The following TRIB2 variants were observed in gnomAD, a reference collection of about 807,000 sequenced individuals.
TRIB2 encodes tribbles pseudokinase 2, also known as tribbles homolog 2.
A neutral mutation model predicts 26.8 loss-of-function variants in TRIB2; 2 were observed. That is an observed-to-expected ratio of 0.07 (90% CI 0.03 to 0.24). The LOEUF is 0.24. TRIB2 is among the 10% of genes least tolerant of loss of function. The probability of loss-of-function intolerance (pLI) is 1.00; values close to 1 mark genes in which losing one functional copy is unlikely to be tolerated. For missense variants in TRIB2, 306 were observed against 449.0 expected, an observed-to-expected ratio of 0.68 and a Z score of 2.88; for synonymous variants, 189 against 187.3, an observed-to-expected ratio of 1.01 and a Z score of -0.08.
At chr2:12,727,653 C>T (rs1009633372) in intron 2 of TRIB2, among the ~76,000 whole-genome samples, 2 of 152,060 alleles carry the variant, frequency 1.3e-5, no homozygotes, top group Non-Finnish European at 2.9e-5. Context: ...GCTTCTCCTT[C>T]GTTCCCAGGG....
intron 2 of TRIB2, among the ~76,000 whole-genome samples, chr2:12,730,948 G>A (rs1306889403): frequency 2.0e-5 from 3 of 152,132 alleles, no homozygotes; most frequent in South Asian, 2.1e-4. Context: ...CCTAGATGCC[G>A]TGAACTCCAG....
chr2:12,727,080 CAG>C (rs1264890974), intron 2 of TRIB2, among the ~76,000 whole-genome samples: 1 of 152,202 alleles, frequency 6.6e-6, no homozygotes, highest in African/African-American at 2.4e-5. Context: ...GGCAGCAGCT[CAG>C]AGTCTTCTGT....
At chr2:12,737,131 C>G (rs1287099541) in intron 2 of TRIB2, among the ~76,000 whole-genome samples, 2 of 152,186 alleles carry the variant, frequency 1.3e-5, no homozygotes, top group Admixed American at 6.5e-5. Flanking sequence ...TGACCAAGCC[C>G]TAGGCCTCCA....
Position 12,718,133 on chromosome 2 carries a change from C to T in TRIB2, c.-175C>T. The T allele has an allele frequency of 3.4e-6, 3 of 886,278 alleles. No homozygotes were observed. The highest frequency in any genetic ancestry group is 5.0e-6 in the Non-Finnish European group (3 of 603,410). 54.9% of individuals were successfully genotyped at this position (886,278 alleles called of 1,614,324 possible). ...GCCGGGCTCGGAGCAGACGAGGTATCCGGCGGCGCCCATTTGGGGGCTTCT... is the reference window on the plus strand; with the variant it reads ...GCCGGGCTCGGAGCAGACGAGGTATTCGGCGGCGCCCATTTGGGGGCTTCT... On this transcript the variant is annotated 5_prime_UTR_variant, in exon 1 of 3. Transcript: ENST00000155926. The surrounding 1 kb of genome is among the most constrained non-coding windows in gnomAD (Gnocchi z 4.0).
At chr2:12,736,231 A>G (rs1007345713) in intron 2 of TRIB2, among the ~76,000 whole-genome samples, 11 of 152,152 alleles carry the variant, frequency 7.2e-5, no homozygotes, top group African/African-American at 2.7e-4. Flanking sequence ...CAGTCGGGGA[A>G]GCACAATCCG....
chr2:12,732,199 T>C lies in TRIB2; in HGVS notation c.564-8127T>C, dbSNP rs1267755634. ...GACTCCCCTGTTCATCCAGGCACCA[T>C]GGATGGGAGTCGGGCAGGAATGTGC... On this transcript the variant is annotated intron_variant, in intron 2 of 2. Coordinates refer to ENST00000155926, the MANE Select transcript of TRIB2 (RefSeq NM_021643.4). The surrounding 1 kb of genome is among the most constrained non-coding windows in gnomAD (Gnocchi z 4.2). Among the ~76,000 whole-genome samples, 1 of 152,028 alleles carries C rather than the reference T, an allele frequency of 6.6e-6. No homozygotes were observed. Among genetic ancestry groups the C allele is most frequent in the African/African-American group, 2.4e-5 (1 of 41,358 alleles).
chr2:12,726,643 G>A (rs978253485), intron 2 of TRIB2, among the ~76,000 whole-genome samples: 4 of 152,226 alleles, frequency 2.6e-5, no homozygotes, highest in Non-Finnish European at 4.4e-5. Context: ...GTTAATGTCT[G>A]TTTTCTCACC....
intron 2 of TRIB2, among the ~76,000 whole-genome samples, chr2:12,729,897 A>G (rs1661417651): frequency 6.6e-6 from 1 of 152,162 alleles, no homozygotes; most frequent in Non-Finnish European, 1.5e-5. Context: ...ATATATTAAT[A>G]TGTTAAGTGC....
chr2:12,729,530 G>A (rs1661410259), intron 2 of TRIB2, among the ~76,000 whole-genome samples: 1 of 152,150 alleles, frequency 6.6e-6, no homozygotes, highest in Non-Finnish European at 1.5e-5. Context: ...CATCAAGTGA[G>A]AAATTTACCC....
chr2:12,727,222 G>A (rs867402658), intron 2 of TRIB2, among the ~76,000 whole-genome samples: 8 of 152,106 alleles, frequency 5.3e-5, no homozygotes, highest in African/African-American at 1.9e-4. Context: ...CATTCCTGTC[G>A]GGCAGTTGTG....
intron 2 of TRIB2, among the ~76,000 whole-genome samples, chr2:12,726,787 T>C (rs1217672944): frequency 6.6e-6 from 1 of 152,240 alleles, no homozygotes; most frequent in Non-Finnish European, 1.5e-5. Flanking sequence ...TGAACTCTGG[T>C]GATCTGGAAA....
At chr2:12,724,882 T>C in intron 2 of TRIB2, 4 of 1,571,034 alleles carry the variant, frequency 2.5e-6, no homozygotes, top group Non-Finnish European at 3.5e-6. Flanking sequence ...ACAAAGGTAT[T>C]CTCTCTACCC....
At chr2:12,721,597 G>C (rs1349177642) in intron 1 of TRIB2, among the ~76,000 whole-genome samples, 1 of 152,154 alleles carries the variant, frequency 6.6e-6, no homozygotes, top group Non-Finnish European at 1.5e-5. Context: ...CACTGCTCTT[G>C]GGTCATCATT....
rs917345531 is a variant in TRIB2 at position 12,723,563 on chromosome 2, T to C, written c.563+11T>C. 1.1e-5 allele frequency: 17 copies of C among 1,611,644 alleles called. No individual in the cohort carries two copies. Among genetic ancestry groups the C allele is most frequent in the Admixed American group, 3.3e-5 (2 of 59,950 alleles). ...TAAGGACGAAGAGAGGTAGGTCTCA[T>C]CCTGTCCAGACCTGGGTACTGTGAT... On this transcript the variant is annotated intron_variant, in intron 2 of 2. Coordinates refer to ENST00000155926, the MANE Select transcript of TRIB2 (RefSeq NM_021643.4).
In TRIB2 at chr2:12,721,713, G is replaced by A. The variant is rs572109684; in HGVS notation, c.271-1547G>A. Among the ~76,000 whole-genome samples the A allele has an allele frequency of 2.2e-4, 33 of 152,300 alleles. 1 individual carries two copies. The highest frequency in any genetic ancestry group is 6.2e-4 in the South Asian group (3 of 4,830). ...CTGTGCCGCTTTTCTGAGATGCCTC[G>A]TTATGGTTCATTCACAACATTACTG... On this transcript the variant is annotated intron_variant, in intron 1 of 2. Coordinates refer to ENST00000155926, the MANE Select transcript of TRIB2 (RefSeq NM_021643.4).
At chr2:12,722,994 C>T (rs1661259038) in intron 1 of TRIB2, among the ~76,000 whole-genome samples, 1 of 152,028 alleles carries the variant, frequency 6.6e-6, no homozygotes, top group Admixed American at 6.6e-5. Flanking sequence ...GCACTATCAC[C>T]TTCATTTTCT....
At chr2:12,734,306 A>T (rs1274081034) in intron 2 of TRIB2, among the ~76,000 whole-genome samples, 1 of 152,082 alleles carries the variant, frequency 6.6e-6, no homozygotes, top group South Asian at 2.1e-4. Flanking sequence ...TTCTTCTCGG[A>T]CTGTTTCTGG....
rs1021456640 is a variant in TRIB2 at position 12,740,374 on chromosome 2, A to T, written c.612A>T (p.Gly204=). The T allele has an allele frequency of 2.4e-5, 38 of 1,613,854 alleles. No homozygotes were observed. Among genetic ancestry groups the T allele is most frequent in the Middle Eastern group, 1.6e-4 (1 of 6,084 alleles). The change falls in exon 3 of 3, where the codon GGA becomes GGT. Residue 204 remains glycine, a synonymous_variant. Coordinates refer to ENST00000155926, the MANE Select transcript of TRIB2 (RefSeq NM_021643.4). The surrounding 1 kb of genome is among the most constrained non-coding windows in gnomAD (Gnocchi z 5.8). Reference sequence around the variant, plus strand: ...TGGAAGACGCCTACATTCTGCGGGGAGATGATGATTCCCTCTCCGACAAGC... The same window carrying T: ...TGGAAGACGCCTACATTCTGCGGGGTGATGATGATTCCCTCTCCGACAAGC... The part of the protein sequence containing the change: ...ESLEDAYILR[G]DDDSLSDKHG...
At chr2:12,729,594 A>T (rs1215156245) in intron 2 of TRIB2, among the ~76,000 whole-genome samples, 2 of 152,156 alleles carry the variant, frequency 1.3e-5, no homozygotes, top group Non-Finnish European at 2.9e-5. Flanking sequence ...TATTTAAGAC[A>T]TTGTTTTCAG....
Sources: allele counts gnomAD v4.1 joint callset (sites outside exome capture counted in the v4.1 genomes callset), GRCh38; gene constraint gnomAD v4.1.1; non-coding constraint Gnocchi (gnomAD v3.1); transcripts MANE v1.5; gene names NCBI Gene and HGNC (gene_info 2026-07-23, HGNC 2026-07-21).